The following PPP4R4 variants were observed in gnomAD, a reference collection of about 807,000 sequenced individuals.
PPP4R4 encodes protein phosphatase 4 regulatory subunit 4, also known as serine/threonine-protein phosphatase 4 regulatory subunit 4.
PPP4R4 carries 70 observed loss-of-function variants against 121.8 expected under a neutral mutation model. The observed-to-expected ratio is 0.57, with a 90% confidence interval of 0.47 to 0.70. PPP4R4 has a LOEUF of 0.70. Among genes scored for constraint, PPP4R4 ranks in the 30% least tolerant of loss-of-function variants. The pLI is 0.00. For synonymous variants in PPP4R4, 348 were observed against 355.7 expected (o/e 0.98, Z 0.24); for missense variants, 875 against 1,033.6 (o/e 0.85, Z 2.10).
chr14:94,243,940 A>G (rs1595517640), intron 11 of PPP4R4, among the ~76,000 whole-genome samples: 1 of 151,974 alleles, frequency 6.6e-6, no homozygotes, highest in Non-Finnish European at 1.5e-5. Context: ...CTGTTAGAGC[A>G]AAGAATTTTA....
At chr14:94,227,659 C>T (rs1246075913) in intron 3 of PPP4R4, 2 of 1,109,706 alleles carry the variant, frequency 1.8e-6, no homozygotes, top group African/African-American at 3.3e-5. Flanking sequence ...TCATGTTCTT[C>T]CTTTGTATAA....
At chr14:94,264,846 A>G (rs753101849) in intron 19 of PPP4R4, 32 bp from the exon 20 acceptor site, 1 of 1,496,384 alleles carries the variant, frequency 6.7e-7, no homozygotes, top group Admixed American at 2.0e-5. Flanking sequence ...CTTCAGTTGT[A>G]CCTTTAATGC....
chr14:94,248,263 C>T (rs1235424576), intron 14 of PPP4R4, among the ~76,000 whole-genome samples: 1 of 152,070 alleles, frequency 6.6e-6, no homozygotes, highest in Non-Finnish European at 1.5e-5. Flanking sequence ...TTTCTATACA[C>T]CAATAATGTT....
intron 16 of PPP4R4, among the ~76,000 whole-genome samples, chr14:94,253,402 G>A (rs1204015041): frequency 1.3e-5 from 2 of 152,066 alleles, no homozygotes; most frequent in African/African-American, 4.8e-5. Flanking sequence ...GGAGGTTGCA[G>A]TGAACCGAGA....
At chr14:94,194,231 C>T (rs1889745789) in intron 2 of PPP4R4, among the ~76,000 whole-genome samples, 1 of 151,912 alleles carries the variant, frequency 6.6e-6, no homozygotes. Flanking sequence ...CCTTTTTAGC[C>T]ACTAGTGTAC....
intron 2 of PPP4R4, among the ~76,000 whole-genome samples, chr14:94,185,794 C>T (rs1889242238): frequency 6.6e-6 from 1 of 152,122 alleles, no homozygotes; most frequent in Admixed American, 6.5e-5. Flanking sequence ...TCCCCCATCT[C>T]CATTTTTGGA....
At chr14:94,215,617 G>GGTCA (rs1890981478) in intron 3 of PPP4R4, among the ~76,000 whole-genome samples, 1 of 151,966 alleles carries the variant, frequency 6.6e-6, no homozygotes, top group Non-Finnish European at 1.5e-5. Context: ...TAATCATCAG[G>GGTCA]GTCAGAATTA....
Position 94,193,317 on chromosome 14 carries a change from A to G in PPP4R4, c.192-15147A>G, listed in dbSNP as rs542321937. ...GCACAGTTTGGACAGGAGTCAGTGT[A>G]GTATAGTGGTTGGTATGAGTTTTGG... On this transcript the variant is annotated intron_variant, in intron 2 of 24. Coordinates refer to ENST00000304338, the MANE Select transcript of PPP4R4 (RefSeq NM_058237.2). 2.6e-5 allele frequency among the ~76,000 whole-genome samples: 4 copies of G among 152,274 alleles called. No individual in the cohort carries two copies. The East Asian group carries it at 7.7e-4, about 29-fold the overall frequency.
chr14:94,273,848 C>A (rs1425883451), intron 23 of PPP4R4, among the ~76,000 whole-genome samples: 2 of 152,004 alleles, frequency 1.3e-5, no homozygotes, highest in East Asian at 3.9e-4. Context: ...AAACCCTGAA[C>A]CTTAATTATT....
intron 2 of PPP4R4, among the ~76,000 whole-genome samples, chr14:94,182,839 T>C (rs955613342): frequency 6.6e-6 from 1 of 152,174 alleles, no homozygotes; most frequent in Non-Finnish European, 1.5e-5. Flanking sequence ...TTAAAAGATA[T>C]TGCTAAACAG....
intron 11 of PPP4R4, among the ~76,000 whole-genome samples, chr14:94,242,892 A>G (rs948668809): frequency 6.6e-6 from 1 of 152,210 alleles, no homozygotes; most frequent in Non-Finnish European, 1.5e-5. Flanking sequence ...TGAAACTTTT[A>G]TGATGAATTT....
Position 94,230,197 on chromosome 14 carries a change from AAC to A in PPP4R4, c.295-386_295-385del, listed in dbSNP as rs1167553855. On this transcript the variant is annotated intron_variant, in intron 3 of 24. Coordinates refer to ENST00000304338, the MANE Select transcript of PPP4R4 (RefSeq NM_058237.2). ...TTGAAACACAAATACAAATAATGGA[AAC>A]ACATGTGATTGTCTGAGCTTTGACA... is the stretch of plus-strand genomic sequence containing the variant. Among the ~76,000 whole-genome samples, 6 of 152,344 alleles carry A rather than the reference AAC, an allele frequency of 3.9e-5. No homozygotes were observed. The East Asian group carries it at 7.7e-4, about 20-fold the overall frequency.
chr14:94,277,333 A>G (rs1052272540), intron 24 of PPP4R4, among the ~76,000 whole-genome samples: 3 of 152,156 alleles, frequency 2.0e-5, no homozygotes, highest in Non-Finnish European at 2.9e-5. Flanking sequence ...GAGGCAGGAC[A>G]TGGTAATGGT....
At chr14:94,269,863 C>A (rs1464304812) in intron 23 of PPP4R4, among the ~76,000 whole-genome samples, 1 of 152,108 alleles carries the variant, frequency 6.6e-6, no homozygotes. Context: ...CAAGGAGAGC[C>A]TAAGGAGAAC....
At chr14:94,190,183 T>C (rs562648949) in intron 2 of PPP4R4, among the ~76,000 whole-genome samples, 57 of 152,082 alleles carry the variant, frequency 3.7e-4, no homozygotes, top group Admixed American at 1.8e-3. Flanking sequence ...CCTGGTTTGT[T>C]TGTTTGTTTA....
intron 14 of PPP4R4, among the ~76,000 whole-genome samples, chr14:94,249,214 A>G (rs1305900559): frequency 6.6e-6 from 1 of 151,996 alleles, no homozygotes; most frequent in Non-Finnish European, 1.5e-5. Flanking sequence ...TCAAAAATTC[A>G]TTTTCCTTAA....
At chr14:94,249,746 C>A (rs965697433) in intron 14 of PPP4R4, among the ~76,000 whole-genome samples, 5 of 151,988 alleles carry the variant, frequency 3.3e-5, no homozygotes, top group African/African-American at 1.2e-4. Context: ...GAAGAGTATA[C>A]CTGATCACAG....
intron 2 of PPP4R4, among the ~76,000 whole-genome samples, chr14:94,196,566 G>A (rs757105939): frequency 2.0e-4 from 30 of 151,780 alleles, no homozygotes; most frequent in African/African-American, 4.8e-4. Flanking sequence ...TGCCTGCGTC[G>A]GCCTCCCAAA....
At chr14:94,253,203 A>C (rs1239388310) in intron 16 of PPP4R4, among the ~76,000 whole-genome samples, 3 of 152,164 alleles carry the variant, frequency 2.0e-5, no homozygotes, top group Non-Finnish European at 4.4e-5. Context: ...CATGCCTGTA[A>C]ATCCCAGCAC....
Sources: allele counts gnomAD v4.1 joint callset (sites outside exome capture counted in the v4.1 genomes callset), GRCh38; gene constraint gnomAD v4.1.1; transcripts MANE v1.5; gene names NCBI Gene and HGNC (gene_info 2026-07-23, HGNC 2026-07-21).